Variants in GTF2IRD1 observed in about 807,000 individuals in gnomAD.
GTF2IRD1 encodes general transcription factor II-I repeat domain-containing protein 1.
GTF2IRD1 carries 26 observed loss-of-function variants against 113.2 expected under a neutral mutation model. The observed-to-expected ratio is 0.23, with a 90% CI of 0.17 to 0.32. GTF2IRD1 has a LOEUF of 0.32. Among genes scored for constraint, GTF2IRD1 ranks in the 10% least tolerant of loss-of-function variants. The pLI, the probability that GTF2IRD1 is intolerant of heterozygous loss-of-function variation, is 1.00. For synonymous variants in GTF2IRD1, 484 were observed against 529.1 expected (o/e 0.91, Z 1.17); for missense variants, 864 against 1,280.8 (o/e 0.67, Z 4.97).
At chr7:74,476,728 C>T (rs546471125) in intron 1 of GTF2IRD1, among the ~76,000 whole-genome samples, 195 of 152,242 alleles carry the variant, frequency 1.3e-3, no homozygotes, top group African/African-American at 4.6e-3. Context: ...CCTTTGGGGC[C>T]AGTGCTCCTG....
intron 1 of GTF2IRD1, chr7:74,507,257 T>G (rs1796346324): frequency 6.6e-6 from 1 of 152,270 alleles, no homozygotes; most frequent in East Asian, 1.9e-4. Context: ...GCAGATCACC[T>G]GAGGCCAGGA....
At chr7:74,493,096 C>CTCT (rs201567373) in intron 1 of GTF2IRD1, among the ~76,000 whole-genome samples, 3,034 of 149,544 alleles carry the variant, frequency 0.02, 46 homozygotes, top group Non-Finnish European at 0.03. Flanking sequence ...CTGGCATGAC[C>CTCT]TCTTCTTCTT....
chr7:74,525,295 G>A (rs1797536399), intron 8 of GTF2IRD1, among the ~76,000 whole-genome samples: 1 of 152,100 alleles, frequency 6.6e-6, no homozygotes, highest in South Asian at 2.1e-4. Flanking sequence ...AGGTAGGCCT[G>A]GGTACCCTGA....
At chr7:74,593,252 C>T (rs1485503953) in intron 24 of GTF2IRD1, among the ~76,000 whole-genome samples, 1 of 151,794 alleles carries the variant, frequency 6.6e-6, no homozygotes, top group Non-Finnish European at 1.5e-5. Flanking sequence ...CTCCCACAGA[C>T]AGTTCACCCC....
chr7:74,533,923 G>A (rs1554349556), intron 9 of GTF2IRD1, among the ~76,000 whole-genome samples: 2 of 152,050 alleles, frequency 1.3e-5, no homozygotes, highest in Admixed American at 1.3e-4. Flanking sequence ...CAGCTACTTG[G>A]GAGGTTGAGG....
intron 1 of GTF2IRD1, among the ~76,000 whole-genome samples, chr7:74,472,264 T>TC (rs11447596): frequency 0.8 from 122,414 of 152,104 alleles, 49,398 homozygotes; most frequent in Admixed American, 0.85. Context: ...CCCCCCTCTT[T>TC]CCCTTCCTTG....
intron 20 of GTF2IRD1, 105 bp downstream of exon 20, chr7:74,557,827 C>G (rs1330086214): frequency 1.5e-6 from 1 of 685,512 alleles, no homozygotes; most frequent in Admixed American, 2.6e-5. Context: ...AACAATTCAC[C>G]CCTTTACATG....
rs1193682168 is a variant in GTF2IRD1, at chr7:74,558,347, C to CTTTT, written c.2108-487_2108-484dup. Among the ~76,000 whole-genome samples, 446 of 60,488 alleles carry CTTTT rather than the reference C, an allele frequency of 7.4e-3. 41 individuals carry two copies. Among genetic ancestry groups the CTTTT allele is most frequent in the East Asian group, 9.2e-3 (15 of 1,632 alleles). 39.7% of individuals were successfully genotyped at this position (60,488 alleles called of 152,430 possible). A position where few individuals can be genotyped will look rare whatever the true frequency, so the allele number is the denominator to read the frequency against. On this transcript the variant is annotated intron_variant, in intron 20 of 26. Coordinates refer to ENST00000424337, the MANE Select transcript of GTF2IRD1 (RefSeq NM_005685.4). ...ATTGGTGTGGCTTTTTCTTTCGTTT[C>CTTTT]TTTTTTTTTTTTTTTTTTTTTTTTT...
At chr7:74,566,588 C>T (rs190876243) in intron 22 of GTF2IRD1, among the ~76,000 whole-genome samples, 40 of 152,264 alleles carry the variant, frequency 2.6e-4, no homozygotes, top group East Asian at 9.7e-4. Flanking sequence ...GCGATCCACC[C>T]GCCTCGGCTT....
intron 1 of GTF2IRD1, among the ~76,000 whole-genome samples, chr7:74,470,649 A>G (rs1794025826): frequency 6.6e-6 from 1 of 152,230 alleles, no homozygotes; most frequent in Non-Finnish European, 1.5e-5. Flanking sequence ...TGCCCAGTGA[A>G]TAAACAAACT....
At chr7:74,587,023 C>T (rs1801754788) in intron 22 of GTF2IRD1, among the ~76,000 whole-genome samples, 1 of 152,096 alleles carries the variant, frequency 6.6e-6, no homozygotes, top group Non-Finnish European at 1.5e-5. Flanking sequence ...TGATTCATGC[C>T]TGGAGCCCCA....
intron 2 of GTF2IRD1, among the ~76,000 whole-genome samples, chr7:74,510,171 A>C (rs1322739304): frequency 6.6e-6 from 1 of 152,026 alleles, no homozygotes; most frequent in Non-Finnish European, 1.5e-5. Flanking sequence ...ATGCAGAGTG[A>C]CTTTCATGAG....
chr7:74,478,435 G>A (rs1280019291), intron 1 of GTF2IRD1, among the ~76,000 whole-genome samples: 2 of 151,618 alleles, frequency 1.3e-5, no homozygotes, highest in East Asian at 1.9e-4. Flanking sequence ...TCAGTGGGGA[G>A]AGGAAAGTTT....
chr7:74,601,865 C>G, intron 26 of GTF2IRD1: 1 of 169,060 alleles, frequency 5.9e-6, no homozygotes, highest in Non-Finnish European at 1.3e-5. Context: ...ATCATTTGAG[C>G]CCAAGGGGAT....
intron 2 of GTF2IRD1, among the ~76,000 whole-genome samples, chr7:74,509,313 C>T (rs1562816498): frequency 6.6e-6 from 1 of 151,906 alleles, no homozygotes; most frequent in Non-Finnish European, 1.5e-5. Context: ...GAAGAGATAG[C>T]ACCACTGCAC....
chr7:74,518,661 C>T (rs782218739), intron 5 of GTF2IRD1, among the ~76,000 whole-genome samples: 1 of 152,084 alleles, frequency 6.6e-6, no homozygotes, highest in Non-Finnish European at 1.5e-5. Flanking sequence ...GGGAGGATCA[C>T]TTGAGGCCAG....
rs782679644 is a variant in GTF2IRD1 at position 74,556,620 on chromosome 7, C to CTT, written c.2024-999_2024-998dup. 1.5e-3 allele frequency among the ~76,000 whole-genome samples: 158 copies of CTT among 107,168 alleles called. 3 individuals carry two copies. Among genetic ancestry groups the CTT allele is most frequent in the East Asian group, 8.5e-3 (23 of 2,712 alleles). 70.3% of individuals were successfully genotyped at this position (107,168 alleles called of 152,430 possible). On this transcript the variant is annotated intron_variant, in intron 19 of 26. Coordinates refer to ENST00000424337, the MANE Select transcript of GTF2IRD1 (RefSeq NM_005685.4). Reference sequence around the variant, plus strand: ...TACAGGCATGAACCACTGCACCCAGCTTTTTTTTTTTTTTTTTTTTTGAGA... The same window carrying CTT: ...TACAGGCATGAACCACTGCACCCAGCTTTTTTTTTTTTTTTTTTTTTTTGAGA...
intron 1 of GTF2IRD1, among the ~76,000 whole-genome samples, chr7:74,467,115 G>GT (rs1554331032): frequency 6.6e-6 from 1 of 151,872 alleles, no homozygotes; most frequent in Non-Finnish European, 1.5e-5. Flanking sequence ...CACCCGGCTA[G>GT]TTTTTGTATT....
chr7:74,539,332 T>A (rs1169470759), intron 13 of GTF2IRD1, among the ~76,000 whole-genome samples: 1 of 151,948 alleles, frequency 6.6e-6, no homozygotes, highest in East Asian at 1.9e-4. Flanking sequence ...CCTGTCGGTG[T>A]AGCTTCTCAG....
Sources: allele counts gnomAD v4.1 joint callset (sites outside exome capture counted in the v4.1 genomes callset), GRCh38; gene constraint gnomAD v4.1.1; transcripts MANE v1.5; gene names NCBI Gene and HGNC (gene_info 2026-07-23, HGNC 2026-07-21).